TLN2: variants seen among roughly 807,000 people sequenced by gnomAD.
The protein encoded by TLN2 is talin 2.
TLN2 carries 118 observed loss-of-function variants against 294.7 expected under a neutral mutation model. The observed-to-expected ratio is 0.40, with a 90% CI of 0.34 to 0.47. TLN2 has a LOEUF of 0.47. TLN2 is among the 20% of genes least tolerant of loss of function. The pLI, the probability that TLN2 is intolerant of heterozygous loss-of-function variation, is 0.84. For synonymous variants in TLN2, 1,431 were observed against 1,304.5 expected (o/e 1.10, Z -2.09); for missense variants, 3,083 against 3,282.2 (o/e 0.94, Z 1.48).
intron 1 of TLN2, among the ~76,000 whole-genome samples, chr15:62,552,237 G>A (rs746505794): frequency 6.6e-6 from 1 of 152,116 alleles, no homozygotes; most frequent in Non-Finnish European, 1.5e-5. Flanking sequence ...CCTTTTATGG[G>A]CTATATTTTT....
intron 1 of TLN2, among the ~76,000 whole-genome samples, chr15:62,406,214 A>G (rs962667153): frequency 1.3e-5 from 2 of 152,120 alleles, no homozygotes; most frequent in Non-Finnish European, 2.9e-5. Context: ...AAGAGCAAGG[A>G]TTTATTCCTT....
In TLN2 at chr15:62,462,019, G is replaced by A. The variant is rs962485362; in HGVS notation, c.-238+71334G>A. 7.2e-5 allele frequency among the ~76,000 whole-genome samples: 11 copies of A among 152,148 alleles called. No individual in the cohort carries two copies. In the South Asian group the frequency reaches 2.1e-3, roughly 29 times the overall value. ...TGGGCGGCTGAGGCAGGTGGATCACGAGACCAGCCTGGCCGATATGGTGAA... is the reference window on the plus strand; with the variant it reads ...TGGGCGGCTGAGGCAGGTGGATCACAAGACCAGCCTGGCCGATATGGTGAA... On this transcript the variant is annotated intron_variant, in intron 1 of 58. Transcript: ENST00000636159.
In TLN2 at chr15:62,755,617, C is replaced by T. The variant is rs1374033759; in HGVS notation, c.4562C>T (p.Pro1521Leu). The T allele has an allele frequency of 3.7e-6, 6 of 1,614,108 alleles. No homozygotes were observed. Among genetic ancestry groups the T allele is most frequent in the Non-Finnish European group, 5.1e-6 (6 of 1,180,042 alleles). ...CRIASSKTAN[P>L]VAKRHFVQSA... ...ATCGCCTCATCCAAGACGGCCAACC[C>T]AGTAGCCAAGAGGCACTTCGTCCAG... The change falls in exon 37 of 59, where the codon CCA becomes CTA. Residue 1521 changes from proline to leucine, a missense_variant. Physicochemically the swap from Pro to Leu is moderately conservative, Grantham distance 98 (BLOSUM62 -3). Transcript: ENST00000636159.
intron 1 of TLN2, among the ~76,000 whole-genome samples, chr15:62,527,171 A>G (rs556081370): frequency 6.6e-6 from 1 of 152,112 alleles, no homozygotes; most frequent in Non-Finnish European, 1.5e-5. Flanking sequence ...GTGGGATTGG[A>G]GACACGGTGT....
intron 45 of TLN2, among the ~76,000 whole-genome samples, chr15:62,787,871 T>C (rs374263804): frequency 1.1e-4 from 17 of 150,832 alleles, no homozygotes; most frequent in African/African-American, 4.1e-4. Context: ...TTTGTATTTA[T>C]AGTAGAGACG....
intron 1 of TLN2, among the ~76,000 whole-genome samples, chr15:62,515,081 G>A (rs577089403): frequency 9.9e-5 from 15 of 152,280 alleles, no homozygotes; most frequent in Non-Finnish European, 1.8e-4. Flanking sequence ...CTTAGCTAGA[G>A]AAGATCTAAG....
At chr15:62,509,020 A>T (rs1420069457) in intron 1 of TLN2, among the ~76,000 whole-genome samples, 11 of 152,228 alleles carry the variant, frequency 7.2e-5, no homozygotes, top group Admixed American at 5.9e-4. Flanking sequence ...CCTATGAGGT[A>T]GGTCCTGTTT....
chr15:62,418,166 G>A (rs896613989), intron 1 of TLN2, among the ~76,000 whole-genome samples: 3 of 152,174 alleles, frequency 2.0e-5, no homozygotes, highest in Non-Finnish European at 4.4e-5. Context: ...TGGTTCAGTG[G>A]ATGTTGTATG....
intron 43 of TLN2, among the ~76,000 whole-genome samples, chr15:62,778,877 C>T (rs1161762624): frequency 6.6e-6 from 1 of 152,254 alleles, no homozygotes; most frequent in Non-Finnish European, 1.5e-5. Context: ...CCACACAACA[C>T]CTCTTCCTCA....
rs183180888 is a variant in TLN2, at chr15:62,780,291, T to C, written c.5515-849T>C. ...AGATGGGTTGCCTGTTTCTTCATCA[T>C]TGGCATTATCATCTTTATCATCAGC... On this transcript the variant is annotated intron_variant, in intron 43 of 58. Coordinates refer to ENST00000636159, the MANE Select transcript of TLN2 (RefSeq NM_015059.3). 3.3e-5 allele frequency among the ~76,000 whole-genome samples: 5 copies of C among 152,352 alleles called. No homozygotes were observed. The East Asian group carries it at 5.8e-4, about 18-fold the overall frequency.
chr15:62,748,994 A>G (rs545056948), intron 33 of TLN2, among the ~76,000 whole-genome samples: 13 of 152,356 alleles, frequency 8.5e-5, no homozygotes, highest in African/African-American at 2.6e-4. Context: ...TTCATTTTAT[A>G]TTCATACTCA....
intron 1 of TLN2, among the ~76,000 whole-genome samples, chr15:62,555,775 A>C (rs2140570377): frequency 6.6e-6 from 1 of 152,260 alleles, no homozygotes; most frequent in East Asian, 1.9e-4. Context: ...TCTTTATTGT[A>C]TCCTAAATAT....
At chr15:62,629,399 G>T (rs1420639247) in intron 3 of TLN2, among the ~76,000 whole-genome samples, 1 of 152,284 alleles carries the variant, frequency 6.6e-6, no homozygotes, top group African/African-American at 2.4e-5. Context: ...CAGTTCCCCA[G>T]GTTATACCGA....
At chr15:62,397,674 G>C (rs1440760357) in intron 1 of TLN2, among the ~76,000 whole-genome samples, 1 of 152,200 alleles carries the variant, frequency 6.6e-6, no homozygotes, top group Non-Finnish European at 1.5e-5. Flanking sequence ...AACCATGCTT[G>C]AGATTACATC....
intron 3 of TLN2, among the ~76,000 whole-genome samples, chr15:62,635,296 C>CA (rs994994640): frequency 3.5e-4 from 52 of 150,228 alleles, no homozygotes; most frequent in African/African-American, 1.1e-3. Flanking sequence ...GAAGAGGTTT[C>CA]AAAAAAAAAT....
rs1051079494 is a variant in TLN2, at chr15:62,841,189, C to G, written c.*579C>G. The stretch of plus-strand genomic sequence containing the variant: ...CGCCCCTGTTTGCACGCTTTCTTGC[C>G]TCCGTGTGTAAGCTCCTTGTACAAC... On this transcript the variant is annotated 3_prime_UTR_variant, in exon 59 of 59. Coordinates refer to ENST00000636159, the MANE Select transcript of TLN2 (RefSeq NM_015059.3). 1.3e-5 allele frequency: 2 copies of G among 152,800 alleles called. No individual in the cohort carries two copies. The allele number at this position is 152,800 out of a possible 1,614,324, so 9.5% of individuals were successfully genotyped here.
rs77531721 is a variant in TLN2, at chr15:62,488,617, T to G, written c.-238+97932T>G. 2.8e-4 allele frequency among the ~76,000 whole-genome samples: 42 copies of G among 152,306 alleles called. 1 individual carries two copies. The East Asian group carries it at 6.0e-3, about 22-fold the overall frequency. ...CAGCATTGCCAATTAAAACAAAACT[T>G]GGATGAGACCAGTCTTCCAATTCTG... On this transcript the variant is annotated intron_variant, in intron 1 of 58. Coordinates refer to ENST00000636159, the MANE Select transcript of TLN2 (RefSeq NM_015059.3).
chr15:62,508,209 A>AT (rs1416196323), intron 1 of TLN2, among the ~76,000 whole-genome samples: 1 of 151,498 alleles, frequency 6.6e-6, no homozygotes. Context: ...ATTTTTTAAA[A>AT]TTATTTTATT....
At chr15:62,658,568 A>G (rs929333855) in intron 9 of TLN2, among the ~76,000 whole-genome samples, 2 of 152,160 alleles carry the variant, frequency 1.3e-5, no homozygotes, top group African/African-American at 4.8e-5. Context: ...AACCTTTACA[A>G]GGTGACGCCG....
Sources: gnomAD v4.1 joint callset for allele counts (sites outside exome capture counted in the v4.1 genomes callset) on GRCh38, gnomAD v4.1.1 for gene constraint, MANE v1.5 for transcripts, NCBI Gene and HGNC (gene_info 2026-07-23, HGNC 2026-07-21) for gene names.